Variants in IL1RAPL1 observed in about 807,000 individuals in gnomAD.
IL1RAPL1 encodes interleukin 1 receptor accessory protein like 1.
In IL1RAPL1, 3 loss-of-function variants were observed where a neutral mutation model predicts 48.4. That is an observed-to-expected ratio of 0.06 (90% confidence interval 0.03 to 0.16). IL1RAPL1 has a LOEUF of 0.16. Among genes scored for constraint, IL1RAPL1 ranks in the 10% least tolerant of loss-of-function variants. The pLI is 1.00. For synonymous variants in IL1RAPL1, 185 were observed against 187.7 expected (o/e 0.99, Z 0.12); for missense variants, 349 against 530.6 (o/e 0.66, Z 3.36).
At chrX:29,595,163 A>G (rs1303787430) in intron 5 of IL1RAPL1, among the ~76,000 whole-genome samples, 1 of 112,251 alleles carries the variant, frequency 8.9e-6, no homozygotes, top group Non-Finnish European at 1.9e-5. Flanking sequence ...GGCTGATTCC[A>G]TAATTTTGCA....
At chrX:28,650,284 A>G (rs933885929) in intron 1 of IL1RAPL1, among the ~76,000 whole-genome samples, 2 of 111,746 alleles carry the variant, frequency 1.8e-5, no homozygotes, top group African/African-American at 6.5e-5. Flanking sequence ...GGCAAATTAC[A>G]AAAGGAAAAG....
intron 6 of IL1RAPL1, among the ~76,000 whole-genome samples, chrX:29,835,532 T>C (rs1404880123): frequency 8.9e-6 from 1 of 112,186 alleles, no homozygotes; most frequent in African/African-American, 3.2e-5. Context: ...TAGAATGAAC[T>C]TGGAAGTGTT....
intron 1 of IL1RAPL1, among the ~76,000 whole-genome samples, chrX:28,772,261 G>T (rs1433488683): frequency 9.0e-6 from 1 of 111,154 alleles, no homozygotes. Context: ...TTCCTATTTT[G>T]TCTAGTAAAT....
intron 8 of IL1RAPL1, among the ~76,000 whole-genome samples, chrX:29,934,728 TGA>T (rs1455536254): frequency 9.0e-6 from 1 of 111,631 alleles, no homozygotes; most frequent in African/African-American, 3.3e-5. Context: ...CTAAACCCCA[TGA>T]GAGCACATTG....
At chrX:29,527,326 C>CTTTTT (rs61003668) in intron 5 of IL1RAPL1, among the ~76,000 whole-genome samples, 492 of 25,567 alleles carry the variant, frequency 0.019, 170 homozygotes, top group Non-Finnish European at 0.022. Context: ...GGGAAGGACT[C>CTTTTT]TTTTTTTTTT....
chrX:29,697,951 T>C (rs1926956849), intron 6 of IL1RAPL1, among the ~76,000 whole-genome samples: 1 of 111,214 alleles, frequency 9.0e-6, no homozygotes, highest in African/African-American at 3.3e-5. Flanking sequence ...ACCATGCTTT[T>C]TAAAATCCTT....
At chrX:28,770,484 C>CT (rs1273692125) in intron 1 of IL1RAPL1, among the ~76,000 whole-genome samples, 2 of 111,677 alleles carry the variant, frequency 1.8e-5, no homozygotes, top group Non-Finnish European at 3.8e-5. Context: ...AAAGGGTAAC[C>CT]TTTTTTCTGG....
chrX:29,333,658 G>A (rs1211968663), intron 3 of IL1RAPL1, among the ~76,000 whole-genome samples: 1 of 83,241 alleles, frequency 1.2e-5, no homozygotes, highest in Non-Finnish European at 2.3e-5. Flanking sequence ...AGGGGCGGCC[G>A]GGCAGAGGCG....
intron 2 of IL1RAPL1, among the ~76,000 whole-genome samples, chrX:28,905,754 T>TG (rs769354214): frequency 4.5e-5 from 5 of 110,909 alleles, no homozygotes; most frequent in Non-Finnish European, 9.5e-5. Flanking sequence ...TACGGTTCAG[T>TG]GGGGGAGAGG....
chrX:29,801,015 A>C lies in IL1RAPL1; in HGVS notation c.779-116449A>C, dbSNP rs113455868. Among the ~76,000 whole-genome samples the C allele has an allele frequency of 9.1e-4, 60 of 65,649 alleles. 2 individuals are homozygous for C. Among genetic ancestry groups the C allele is most frequent in the African/African-American group, 3.3e-3 (56 of 16,894 alleles). 57.0% of individuals were successfully genotyped at this position (65,649 alleles called of 115,157 possible). A position where few individuals can be genotyped will look rare whatever the true frequency, so the allele number is the denominator to read the frequency against. ...AACTCCGTCTCAAAAAAAAAAAAAA[A>C]AAAAAAAAAAAAAAAAAAACTCTCC... On this transcript the variant is annotated intron_variant, in intron 6 of 10. Transcript: ENST00000378993.
intron 6 of IL1RAPL1, among the ~76,000 whole-genome samples, chrX:29,699,579 C>T (rs777648340): frequency 1.8e-5 from 2 of 112,157 alleles, no homozygotes; most frequent in South Asian, 7.4e-4. Flanking sequence ...ATTCCAAAGA[C>T]TCTCTTTTAG....
At chrX:28,634,809 G>A (rs919051448) in intron 1 of IL1RAPL1, among the ~76,000 whole-genome samples, 6 of 108,664 alleles carry the variant, frequency 5.5e-5, no homozygotes, top group East Asian at 2.9e-4. Flanking sequence ...CTGAAATCAC[G>A]TTCTTTACTT....
intron 5 of IL1RAPL1, among the ~76,000 whole-genome samples, chrX:29,606,961 A>T (rs895412847): frequency 5.4e-5 from 6 of 111,822 alleles, no homozygotes; most frequent in Admixed American, 9.5e-5. Context: ...TACATTTTTA[A>T]TGAATGAAAT....
At chrX:29,708,543 C>T (rs953677947) in intron 6 of IL1RAPL1, among the ~76,000 whole-genome samples, 1 of 111,455 alleles carries the variant, frequency 9.0e-6, no homozygotes, top group Admixed American at 9.6e-5. Flanking sequence ...TATATAGTTG[C>T]AAATGGTAGA....
intron 3 of IL1RAPL1, among the ~76,000 whole-genome samples, chrX:29,392,216 C>T (rs1161197304): frequency 8.9e-6 from 1 of 112,112 alleles, no homozygotes; most frequent in African/African-American, 3.2e-5. Context: ...GACTGCAGCT[C>T]ATCTGTTATA....
intron 5 of IL1RAPL1, among the ~76,000 whole-genome samples, chrX:29,630,756 C>T (rs995775403): frequency 2.0e-4 from 22 of 111,503 alleles, no homozygotes; most frequent in African/African-American, 4.2e-4. Flanking sequence ...GCCAGGATGG[C>T]CTCGATCTCC....
intron 1 of IL1RAPL1, among the ~76,000 whole-genome samples, chrX:28,615,221 T>G (rs111343051): frequency 3.5e-4 from 31 of 89,561 alleles, no homozygotes; most frequent in East Asian, 1.0e-3. Context: ...TTTTTTTTTT[T>G]TTTTTTTTTT....
At chrX:29,866,624 A>T (rs1035662026) in intron 6 of IL1RAPL1, among the ~76,000 whole-genome samples, 2 of 107,481 alleles carry the variant, frequency 1.9e-5, no homozygotes, top group Middle Eastern at 4.7e-3. Context: ...GATTACCATT[A>T]CCATATTATC....
At chrX:29,678,342 CTTTTTTTTTTTTTT>C (rs140827802) in intron 6 of IL1RAPL1, among the ~76,000 whole-genome samples, 1 of 41,724 alleles carries the variant, frequency 2.4e-5, no homozygotes, top group African/African-American at 1.3e-4. Flanking sequence ...TTCAACACTA[CTTTTTTTTTTTTTT>C]TTTTTTTTTT....
Sources: allele counts gnomAD v4.1 joint callset (sites outside exome capture counted in the v4.1 genomes callset), GRCh38; gene constraint gnomAD v4.1.1; transcripts MANE v1.5; gene names NCBI Gene and HGNC (gene_info 2026-07-23, HGNC 2026-07-21).